The following PTPRZ1 variants were observed in gnomAD, a reference collection of about 807,000 sequenced individuals.
PTPRZ1 encodes the protein receptor-type tyrosine-protein phosphatase zeta.
Under a neutral mutation model 214.1 loss-of-function variants are expected in PTPRZ1, and 82 were observed. The ratio of observed to expected loss-of-function variants is 0.38; its 90% CI spans 0.32 to 0.46. The LOEUF (loss-of-function observed/expected upper bound fraction) is 0.46. Among genes scored for constraint, PTPRZ1 ranks in the 20% least tolerant of loss-of-function variants. PTPRZ1 has a pLI of 1.00. For synonymous variants in PTPRZ1, 945 were observed against 987.9 expected (o/e 0.96, Z 0.81); for missense variants, 2,603 against 2,748.7 (o/e 0.95, Z 1.19).
At chr7:121,942,702 C>T (rs1287811733) in intron 2 of PTPRZ1, among the ~76,000 whole-genome samples, 1 of 152,068 alleles carries the variant, frequency 6.6e-6, no homozygotes, top group African/African-American at 2.4e-5. Flanking sequence ...ATGCAAATTC[C>T]TCTACTTTAT....
chr7:121,906,482 A>G (rs1262781377), intron 1 of PTPRZ1, among the ~76,000 whole-genome samples: 2 of 152,316 alleles, frequency 1.3e-5, no homozygotes, highest in South Asian at 2.1e-4. Flanking sequence ...GATTGTATCA[A>G]TTTGAGATAC....
chr7:121,976,267 A>G lies in PTPRZ1; in HGVS notation c.551A>G (p.Glu184Gly). Reference protein sequence around the residue: ...GKLRALSILFEVGTEENLDFK... With the variant: ...GKLRALSILFGVGTEENLDFK... Reference sequence around the variant, plus strand: ...TTAAGAGCTTTATCCATTTTGTTTGAGGTAATATATATACACTTTACACTA... The same window carrying G: ...TTAAGAGCTTTATCCATTTTGTTTGGGGTAATATATATACACTTTACACTA... The change falls in exon 5 of 30, where the codon GAG becomes GGG. Residue 184 changes from glutamate (E) to glycine (G), a missense_variant and splice_region_variant. Glu to Gly is a moderately conservative substitution (Grantham distance 98, BLOSUM62 -2). Coordinates refer to ENST00000393386, the MANE Select transcript of PTPRZ1 (RefSeq NM_002851.3). The G allele has an allele frequency of 1.3e-6, 2 of 1,577,040 alleles. No individual in the cohort carries two copies. Among genetic ancestry groups the G allele is most frequent in the Non-Finnish European group, 1.7e-6 (2 of 1,148,598 alleles).
At position 122,042,636 on chromosome 7, in the gene PTPRZ1, A is replaced by G; in HGVS notation, c.5830A>G (p.Ile1944Val). The G allele has an allele frequency of 1.2e-6, 2 of 1,606,490 alleles. No homozygotes were observed. The highest frequency in any genetic ancestry group is 1.1e-5 in the South Asian group (1 of 89,754). ...TGGAGTTGGAAGAACAGGCACATAT[A>G]TTGTGCTAGACAGTATGTTGCAGCA... ...SAGVGRTGTYIVLDSMLQQIQ... is the reference protein window; with the variant it reads ...SAGVGRTGTYVVLDSMLQQIQ... The change falls in exon 22 of 30, where the codon ATT (isoleucine) becomes GTT (valine). Residue 1944 changes from isoleucine (I) to valine (V), a missense_variant. By Grantham distance (29) the Ile-to-Val change is conservative. This residue lies in a region of PTPRZ1 where 1,913 missense variants were observed against 1,914.3 expected (regional missense o/e 1.00). Transcript: ENST00000393386.
At chr7:122,060,029 C>A in intron 29 of PTPRZ1, 141 bp downstream of exon 29, 2 of 824,778 alleles carry the variant, frequency 2.4e-6, no homozygotes, top group East Asian at 2.8e-5. Flanking sequence ...ATTACAAGTC[C>A]ACAATCCATA....
At chr7:122,039,032 G>A in intron 19 of PTPRZ1, 143 bp downstream of exon 19, 1 of 882,384 alleles carries the variant, frequency 1.1e-6, no homozygotes, top group Non-Finnish European at 1.7e-6. Flanking sequence ...CAGCTAAAGG[G>A]AAACTGTTAA....
chr7:121,946,277 C>T (rs1277408009), intron 2 of PTPRZ1, among the ~76,000 whole-genome samples: 1 of 152,168 alleles, frequency 6.6e-6, no homozygotes, highest in Non-Finnish European at 1.5e-5. Context: ...CTAGGTATTC[C>T]TGTATGTGGT....
intron 4 of PTPRZ1, among the ~76,000 whole-genome samples, chr7:121,974,814 A>G (rs1797379496): frequency 6.6e-6 from 1 of 152,056 alleles, no homozygotes; most frequent in Admixed American, 6.6e-5. Context: ...AACACTCTCT[A>G]TGTAATTGTG....
chr7:121,878,907 T>G (rs1031645086), intron 1 of PTPRZ1, among the ~76,000 whole-genome samples: 2 of 149,306 alleles, frequency 1.3e-5, no homozygotes, highest in African/African-American at 5.1e-5. Flanking sequence ...AAATAGTTGT[T>G]TGTTGTTGAG....
intron 2 of PTPRZ1, among the ~76,000 whole-genome samples, chr7:121,945,012 G>A (rs1336837910): frequency 6.6e-6 from 1 of 152,128 alleles, no homozygotes; most frequent in East Asian, 1.9e-4. Flanking sequence ...GAGTATGTTT[G>A]AAAGTTTTAA....
intron 10 of PTPRZ1, among the ~76,000 whole-genome samples, chr7:122,002,718 G>C (rs1434361892): frequency 6.6e-6 from 1 of 152,148 alleles, no homozygotes; most frequent in Non-Finnish European, 1.5e-5. Flanking sequence ...GGTGGAGTTA[G>C]ACCATTTTTT....
chr7:121,946,627 A>C (rs1796383488), intron 2 of PTPRZ1, among the ~76,000 whole-genome samples: 1 of 152,196 alleles, frequency 6.6e-6, no homozygotes, highest in South Asian at 2.1e-4. Context: ...TTTAATGAAG[A>C]ATGAGATATT....
chr7:121,895,979 TCATTCTGCCTATTTTCCCA>T (rs1364763146), intron 1 of PTPRZ1, among the ~76,000 whole-genome samples: 2 of 152,204 alleles, frequency 1.3e-5, no homozygotes, highest in Non-Finnish European at 2.9e-5. Flanking sequence ...GGCTCCCTAG[TCATTCTGCCTATTTTCCCA>T]ATCAAATATC....
chr7:121,925,834 C>T (rs1490483876), intron 1 of PTPRZ1, among the ~76,000 whole-genome samples: 2 of 152,118 alleles, frequency 1.3e-5, no homozygotes, highest in Non-Finnish European at 2.9e-5. Context: ...CAACTTGGAG[C>T]AAGGTGCCCC....
At chr7:122,054,832 A>C in intron 26 of PTPRZ1, 109 bp from the exon 27 acceptor site, 1 of 1,110,298 alleles carries the variant, frequency 9.0e-7, no homozygotes. Flanking sequence ...AGATTCAAAG[A>C]AAAATTGGAG....
In PTPRZ1 at chr7:122,010,668, G is replaced by T. The variant is rs762505779; in HGVS notation, c.1622G>T (p.Gly541Val). ...VEGTSASLND[G>V]SKTVLRSPHM... ...GGTACTTCAGCCTCTTTAAATGATG[G>T]CTCTAAAACTGTTCTTAGATCTCCA... The change falls in exon 12 of 30, where the codon GGC becomes GTC. Residue 541 changes from glycine to valine, a missense_variant. Physicochemically the swap from Gly to Val is moderately radical, Grantham distance 109. Transcript: ENST00000393386. 1.2e-6 allele frequency: 2 copies of T among 1,613,600 alleles called. No individual in the cohort carries two copies. The highest frequency in any genetic ancestry group is 1.7e-6 in the Non-Finnish European group (2 of 1,179,642).
At chr7:121,983,937 A>G in intron 7 of PTPRZ1, 30 bp from the exon 8 acceptor site, 3 of 1,606,168 alleles carry the variant, frequency 1.9e-6, no homozygotes, top group Non-Finnish European at 1.7e-6. Context: ...TTTGAAGCAG[A>G]TATGTTAAAT....
chr7:121,923,719 T>C (rs1795670699), intron 1 of PTPRZ1, among the ~76,000 whole-genome samples: 1 of 151,966 alleles, frequency 6.6e-6, no homozygotes, highest in South Asian at 2.1e-4. Flanking sequence ...GTAAAAATTT[T>C]GAGAAAAATT....
chr7:121,947,235 C>G (rs1796409269), intron 2 of PTPRZ1, among the ~76,000 whole-genome samples: 1 of 150,226 alleles, frequency 6.7e-6, no homozygotes, highest in South Asian at 2.1e-4. Context: ...GTACTTGAAC[C>G]TTTTCTCTAA....
chr7:121,955,096 G>A (rs1796664119), intron 2 of PTPRZ1, among the ~76,000 whole-genome samples: 1 of 152,210 alleles, frequency 6.6e-6, no homozygotes, highest in South Asian at 2.1e-4. Context: ...AAGGATACCA[G>A]GTTGCCACTG....
Sources: allele counts gnomAD v4.1 joint callset (sites outside exome capture counted in the v4.1 genomes callset), GRCh38; gene constraint gnomAD v4.1.1; regional missense constraint gnomAD v4.1.1; transcripts MANE v1.5; gene names NCBI Gene and HGNC (gene_info 2026-07-23, HGNC 2026-07-21).